Variants in KDM2A observed in about 807,000 individuals in gnomAD.
The protein encoded by KDM2A is lysine-specific demethylase 2A.
In KDM2A, 3 loss-of-function variants were observed where a neutral mutation model predicts 137.3. The ratio of observed to expected loss-of-function variants is 0.02; its 90% confidence interval spans 0.01 to 0.06. The LOEUF (loss-of-function observed/expected upper bound fraction) is 0.06, where lower values mean the gene tolerates loss of function less well. Among genes scored for constraint, KDM2A ranks in the 10% least tolerant of loss-of-function variants. The pLI, the probability that KDM2A is intolerant of heterozygous loss-of-function variation, is 1.00. For missense variants in KDM2A, 738 were observed against 1,510.6 expected (o/e 0.49, Z 8.48); for synonymous variants, 512 against 541.5 (o/e 0.95, Z 0.76).
At chr11:67,135,748 A>G (rs1855958650) in intron 2 of KDM2A, among the ~76,000 whole-genome samples, 1 of 152,096 alleles carries the variant, frequency 6.6e-6, no homozygotes. Context: ...TAGTCTTTTG[A>G]TCATCACCAT....
At chr11:67,249,090 CT>C (rs1039069228) in intron 16 of KDM2A, among the ~76,000 whole-genome samples, 12 of 152,202 alleles carry the variant, frequency 7.9e-5, no homozygotes, top group African/African-American at 2.9e-4. Flanking sequence ...AATTTTCTTA[CT>C]TTTTATTTCT....
chr11:67,247,422 CTTTTTTTT>C (rs56012601), intron 15 of KDM2A, among the ~76,000 whole-genome samples: 2 of 84,528 alleles, frequency 2.4e-5, no homozygotes, highest in African/African-American at 4.9e-5. Context: ...GCATTACAAT[CTTTTTTTT>C]TTTTTTTTTT....
chr11:67,142,062 G>C (rs565534409), intron 2 of KDM2A, among the ~76,000 whole-genome samples: 1 of 151,698 alleles, frequency 6.6e-6, no homozygotes, highest in Admixed American at 6.6e-5. Flanking sequence ...TTTTTGAGAC[G>C]GAGTCTTGCT....
chr11:67,157,109 A>C (rs1425154350), intron 2 of KDM2A, among the ~76,000 whole-genome samples: 3 of 151,744 alleles, frequency 2.0e-5, no homozygotes, highest in East Asian at 1.9e-4. Flanking sequence ...GTCAGGAGAT[A>C]GAGACCATCC....
At chr11:67,152,727 T>A (rs992696282) in intron 2 of KDM2A, among the ~76,000 whole-genome samples, 1 of 152,090 alleles carries the variant, frequency 6.6e-6, no homozygotes. Flanking sequence ...GATAAGTACT[T>A]CTTTTATCTT....
At chr11:67,242,866 A>G (rs1039584650) in intron 12 of KDM2A, 143 bp from the exon 13 acceptor site, 5 of 594,870 alleles carry the variant, frequency 8.4e-6, no homozygotes, top group African/African-American at 7.4e-5. Flanking sequence ...GTGAGTCTCT[A>G]TATGAAGGGC....
At chr11:67,171,288 G>C (rs1856877819) in intron 2 of KDM2A, among the ~76,000 whole-genome samples, 1 of 152,200 alleles carries the variant, frequency 6.6e-6, no homozygotes, top group Non-Finnish European at 1.5e-5. Context: ...AGTCAGGACA[G>C]ACGAGGCCGA....
chr11:67,144,719 A>G (rs1856204049), intron 2 of KDM2A, among the ~76,000 whole-genome samples: 1 of 151,102 alleles, frequency 6.6e-6, no homozygotes, highest in Non-Finnish European at 1.5e-5. Context: ...ACGCACCACG[A>G]AGCCCAGCTA....
intron 2 of KDM2A, among the ~76,000 whole-genome samples, chr11:67,136,105 A>T (rs1266346031): frequency 6.6e-6 from 1 of 152,228 alleles, no homozygotes; most frequent in Non-Finnish European, 1.5e-5. Context: ...AAAGTAGGAG[A>T]TAAAAACCCA....
intron 12 of KDM2A, chr11:67,240,161 G>A: frequency 6.8e-7 from 1 of 1,475,882 alleles, no homozygotes; most frequent in South Asian, 1.3e-5. Context: ...GCTGCACGCT[G>A]CTCCCTCTGG....
chr11:67,123,757 A>G (rs1286742091), intron 2 of KDM2A, among the ~76,000 whole-genome samples: 1 of 151,858 alleles, frequency 6.6e-6, no homozygotes, highest in Non-Finnish European at 1.5e-5. Flanking sequence ...GCTTACTGCA[A>G]CCTCTTCCTC....
chr11:67,202,498 C>T (rs1857654119), intron 5 of KDM2A, among the ~76,000 whole-genome samples: 1 of 152,034 alleles, frequency 6.6e-6, no homozygotes, highest in Admixed American at 6.6e-5. Flanking sequence ...GTCAGCTGGG[C>T]ATGGTGGCTC....
Position 67,255,772 on chromosome 11 carries a change from A to C in KDM2A, c.*717A>C. 1 of 345,388 alleles carries C rather than the reference A, an allele frequency of 2.9e-6. No individual in the cohort carries two copies. Among genetic ancestry groups the C allele is most frequent in the Non-Finnish European group, 5.8e-6 (1 of 172,724 alleles). 21.4% of individuals were successfully genotyped at this position (345,388 alleles called of 1,614,324 possible). ...ACTTATTGGGGTTGAAGCTCTTCAG[A>C]GGAGCTGGAACTGTCTACCCCAGGG... On this transcript the variant is annotated 3_prime_UTR_variant, in exon 21 of 21. Coordinates refer to ENST00000529006, the MANE Select transcript of KDM2A (RefSeq NM_012308.3).
chr11:67,235,917 C>G (rs1190771701), intron 12 of KDM2A, among the ~76,000 whole-genome samples: 1 of 152,120 alleles, frequency 6.6e-6, no homozygotes, highest in Non-Finnish European at 1.5e-5. Context: ...TGCGCCCGGC[C>G]AAGATATCCT....
At chr11:67,158,759 T>C (rs563120995) in intron 2 of KDM2A, among the ~76,000 whole-genome samples, 148 of 152,284 alleles carry the variant, frequency 9.7e-4, no homozygotes, top group African/African-American at 3.5e-3. Flanking sequence ...AAAGTGCTCG[T>C]ATTATAGGCG....
At chr11:67,171,290 C>T (rs1007459267) in intron 2 of KDM2A, among the ~76,000 whole-genome samples, 6 of 152,074 alleles carry the variant, frequency 3.9e-5, no homozygotes, top group Admixed American at 3.9e-4. Flanking sequence ...TCAGGACAGA[C>T]GAGGCCGAGT....
At position 67,257,794 on chromosome 11, in the gene KDM2A, G is replaced by A. The variant is rs1859659710; in HGVS notation, c.*2739G>A. The A allele has an allele frequency of 1.3e-5, 2 of 152,084 alleles. No individual in the cohort carries two copies. The highest frequency in any genetic ancestry group is 2.9e-5 in the Non-Finnish European group (2 of 68,032). The allele number at this position is 152,084 out of a possible 1,614,324, so 9.4% of individuals were successfully genotyped here. ...GTTTAAATTAAATGTAAGCATTAAG[G>A]GGATAAGTCTTATGCTATCTCAGTT... is the stretch of plus-strand genomic sequence containing the variant. On this transcript the variant is annotated 3_prime_UTR_variant, in exon 21 of 21. Transcript: ENST00000529006.
intron 2 of KDM2A, among the ~76,000 whole-genome samples, chr11:67,139,984 G>A (rs1453027866): frequency 1.3e-5 from 2 of 152,094 alleles, no homozygotes; most frequent in East Asian, 3.9e-4. Flanking sequence ...AACTATAGGC[G>A]TGAGCCACCG....
At chr11:67,246,360 G>C (rs1859204624) in intron 15 of KDM2A, among the ~76,000 whole-genome samples, 1 of 152,142 alleles carries the variant, frequency 6.6e-6, no homozygotes, top group African/African-American at 2.4e-5. Context: ...ATGGAGCTTA[G>C]AATCTGGACT....
Sources: allele counts gnomAD v4.1 joint callset (sites outside exome capture counted in the v4.1 genomes callset), GRCh38; gene constraint gnomAD v4.1.1; transcripts MANE v1.5; gene names NCBI Gene and HGNC (gene_info 2026-07-23, HGNC 2026-07-21).